The following AGBL1 variants were observed in gnomAD, a reference collection of about 807,000 sequenced individuals.
AGBL1 encodes the protein cytosolic carboxypeptidase 4.
Under a neutral mutation model 118.9 loss-of-function variants are expected in AGBL1, and 130 were observed. The observed-to-expected ratio is 1.09, with a 90% CI of 0.95 to 1.26. The LOEUF is 1.26. Ranked by LOEUF, AGBL1 falls within the 50% of genes most tolerant of loss-of-function variation. The probability of loss-of-function intolerance (pLI) is 0.00; values close to 1 mark genes in which losing one functional copy is unlikely to be tolerated. For missense variants in AGBL1, 1,584 were observed against 1,298.1 expected (o/e 1.22, Z -3.38); for synonymous variants, 555 against 478.9 (o/e 1.16, Z -2.08).
chr15:86,219,337 C>T (rs541211567), intron 5 of AGBL1, among the ~76,000 whole-genome samples: 3 of 152,140 alleles, frequency 2.0e-5, no homozygotes, highest in Non-Finnish European at 2.9e-5. Context: ...GCAAAAATTA[C>T]GTTTGGACCA....
chr15:86,139,763 ATTTT>A (rs59244971), intron 1 of AGBL1: 1 of 149,638 alleles, frequency 6.7e-6, no homozygotes, highest in Non-Finnish European at 1.5e-5. Context: ...ACATTAATTG[ATTTT>A]TTTTTTTTTT....
chr15:86,258,134 C>A, intron 9 of AGBL1, 103 bp downstream of exon 9: 1 of 1,208,854 alleles, frequency 8.3e-7, no homozygotes, highest in South Asian at 1.4e-5. Flanking sequence ...ATTTTAAGAA[C>A]TGACTTTAGT....
chr15:86,527,498 A>G lies in AGBL1; in HGVS notation c.2685+4559A>G, dbSNP rs565581298. On this transcript the variant is annotated intron_variant, in intron 19 of 22. Coordinates refer to ENST00000614907, the MANE Select transcript of AGBL1 (RefSeq NM_001386094.1). The stretch of plus-strand genomic sequence containing the variant: ...GTTACAAAGCTCTCTAATGGGCTCA[A>G]CATCACCTTTTAGTTACCTAGGAGG... Among the ~76,000 whole-genome samples, 8 of 152,326 alleles carry G rather than the reference A, an allele frequency of 5.3e-5. No homozygotes were observed. The South Asian group carries it at 1.0e-3, about 20-fold the overall frequency.
At chr15:86,105,563 C>T (rs140221128) in intron 1 of AGBL1, among the ~76,000 whole-genome samples, 23 of 152,216 alleles carry the variant, frequency 1.5e-4, no homozygotes, top group Non-Finnish European at 3.2e-4. Context: ...AGATGACAAC[C>T]ATCAGCTAAA....
At chr15:86,456,394 A>G (rs761173839) in intron 18 of AGBL1, among the ~76,000 whole-genome samples, 11 of 152,120 alleles carry the variant, frequency 7.2e-5, no homozygotes, top group Non-Finnish European at 1.3e-4. Context: ...CCAAATTTTG[A>G]CTCTTCAATT....
intron 1 of AGBL1, among the ~76,000 whole-genome samples, chr15:86,085,514 C>G (rs1042525588): frequency 2.6e-5 from 4 of 152,150 alleles, no homozygotes; most frequent in Admixed American, 2.6e-4. Context: ...AATTGCAGAG[C>G]TCTTTGGACT....
intron 21 of AGBL1, among the ~76,000 whole-genome samples, chr15:86,565,971 C>T (rs1373641229): frequency 6.6e-6 from 1 of 152,192 alleles, no homozygotes; most frequent in Admixed American, 6.5e-5. Context: ...TTTGCTAAGA[C>T]ATTGGAAAAG....
rs1409093317 is a variant in AGBL1, at chr15:86,628,896, TACA to T, written c.2995-45372_2995-45370del. ...AAATGTATACAGTATATTAAAGGTG[TACA>T]ACAAGATGTTTGATATACATTGGGA... On this transcript the variant is annotated intron_variant, in intron 21 of 22. Coordinates refer to ENST00000614907, the MANE Select transcript of AGBL1 (RefSeq NM_001386094.1). Among the ~76,000 whole-genome samples, 3 of 152,326 alleles carry T rather than the reference TACA, an allele frequency of 2.0e-5. No homozygotes were observed. The East Asian group carries it at 5.8e-4, about 29-fold the overall frequency.
intron 22 of AGBL1, among the ~76,000 whole-genome samples, chr15:86,832,933 G>T (rs544570440): frequency 5.3e-5 from 8 of 152,284 alleles, no homozygotes; most frequent in African/African-American, 1.9e-4. Flanking sequence ...GAGGTTTAAT[G>T]GACTCACATT....
intron 22 of AGBL1, among the ~76,000 whole-genome samples, chr15:86,762,669 C>A (rs1160213943): frequency 6.6e-6 from 1 of 151,922 alleles, no homozygotes; most frequent in African/African-American, 2.4e-5. Flanking sequence ...AGGACTGTAT[C>A]CTAGCCCTGG....
At chr15:86,289,972 C>G (rs1338551393) in intron 16 of AGBL1, among the ~76,000 whole-genome samples, 2 of 152,188 alleles carry the variant, frequency 1.3e-5, no homozygotes, top group Non-Finnish European at 2.9e-5. Flanking sequence ...ACCCATTGTT[C>G]TAGTGATATT....
At position 86,420,322 on chromosome 15, in the gene AGBL1, A is replaced by G. The variant is rs980036420; in HGVS notation, c.2555+22776A>G. On this transcript the variant is annotated intron_variant, in intron 18 of 22. Coordinates refer to ENST00000614907, the MANE Select transcript of AGBL1 (RefSeq NM_001386094.1). The stretch of plus-strand genomic sequence containing the variant: ...GCCTCTGCTGGTGACACCTAGGCAA[A>G]CAGCATCTGGAGTGTACCTCCAGCA... Among the ~76,000 whole-genome samples, 14 of 152,246 alleles carry G rather than the reference A, an allele frequency of 9.2e-5. No individual in the cohort carries two copies. The East Asian group carries it at 1.2e-3, about 13-fold the overall frequency.
chr15:86,919,820 G>A (rs1324246343), downstream of AGBL1, among the ~76,000 whole-genome samples: 1 of 152,152 alleles, frequency 6.6e-6, no homozygotes, highest in African/African-American at 2.4e-5. Context: ...GGTGTGGCAG[G>A]ATGTGTCCAG....
intron 17 of AGBL1, among the ~76,000 whole-genome samples, chr15:86,337,767 C>G (rs1469261371): frequency 6.6e-6 from 1 of 152,112 alleles, no homozygotes; most frequent in East Asian, 1.9e-4. Context: ...GGTTTAATAC[C>G]TAGGTGATAG....
At chr15:87,025,621 T>A (rs1183924054) in intron 24 of AGBL1, among the ~76,000 whole-genome samples, 1 of 151,764 alleles carries the variant, frequency 6.6e-6, no homozygotes, top group Non-Finnish European at 1.5e-5. Flanking sequence ...AATACCACCA[T>A]CATTCTTCAC....
At chr15:86,717,976 G>C (rs551063448) in intron 22 of AGBL1, among the ~76,000 whole-genome samples, 32 of 152,278 alleles carry the variant, frequency 2.1e-4, no homozygotes, top group African/African-American at 7.7e-4. Flanking sequence ...TACTCAGGAG[G>C]CTGAGGTAGG....
chr15:86,434,333 T>G (rs1209985946), intron 18 of AGBL1, among the ~76,000 whole-genome samples: 1 of 152,230 alleles, frequency 6.6e-6, no homozygotes, highest in Non-Finnish European at 1.5e-5. Flanking sequence ...TTCAATAATG[T>G]CTGACCTTGC....
intron 17 of AGBL1, among the ~76,000 whole-genome samples, chr15:86,324,135 G>T (rs1256390916): frequency 6.6e-6 from 1 of 152,212 alleles, no homozygotes; most frequent in East Asian, 1.9e-4. Flanking sequence ...CACTGGGCTA[G>T]ATACTAGGGG....
intron 18 of AGBL1, among the ~76,000 whole-genome samples, chr15:86,421,383 C>G (rs1332001997): frequency 6.6e-6 from 1 of 152,116 alleles, no homozygotes; most frequent in Admixed American, 6.5e-5. Context: ...AGAATAAAAT[C>G]CTTTACAAAC....
Sources: allele counts gnomAD v4.1 joint callset (sites outside exome capture counted in the v4.1 genomes callset), GRCh38; gene constraint gnomAD v4.1.1; transcripts MANE v1.5; gene names NCBI Gene and HGNC (gene_info 2026-07-23, HGNC 2026-07-21).